The following PDE10A variants were observed in gnomAD, a reference collection of about 807,000 sequenced individuals.
PDE10A encodes cAMP and cAMP-inhibited cGMP 3',5'-cyclic phosphodiesterase 10A.
PDE10A carries 39 observed loss-of-function variants against 97.7 expected under a neutral mutation model. That is an observed-to-expected ratio of 0.40 (90% CI 0.31 to 0.52). PDE10A has a LOEUF of 0.52. PDE10A is among the 20% of genes least tolerant of loss of function. The probability of loss-of-function intolerance (pLI) is 0.56; values close to 1 mark genes in which losing one functional copy is unlikely to be tolerated. For synonymous variants in PDE10A, 371 were observed against 376.8 expected (o/e 0.98, Z 0.18); for missense variants, 731 against 1,047.8 (o/e 0.70, Z 4.17).
chr6:165,482,414 A>G (rs1346447798), intron 2 of PDE10A, 71 bp from the exon 3 acceptor site: 1 of 1,147,120 alleles, frequency 8.7e-7, no homozygotes, highest in Non-Finnish European at 1.3e-6. Context: ...AAAACATGTC[A>G]TTTGCTTTCA....
chr6:165,761,838 TG>T (rs1340387517), intron 1 of PDE10A, among the ~76,000 whole-genome samples: 1 of 152,206 alleles, frequency 6.6e-6, no homozygotes, highest in Non-Finnish European at 1.5e-5. Context: ...TATGTACAGC[TG>T]GAACTACCTT....
rs1172574314 is a variant in PDE10A at position 165,331,387 on chromosome 6, A to G, written c.*1638T>C. Reference sequence around the variant, plus strand: ...CTGAACACATAGTGTTAATTTTAAAATAAGAACAATGTTTATGTAGAGCCA... The same window carrying G: ...CTGAACACATAGTGTTAATTTTAAAGTAAGAACAATGTTTATGTAGAGCCA... On this transcript the variant is annotated 3_prime_UTR_variant, in exon 22 of 22. Transcript: ENST00000539869. The G allele has an allele frequency of 1.3e-5, 2 of 152,236 alleles. No homozygotes were observed. The highest frequency in any genetic ancestry group is 2.9e-5 in the Non-Finnish European group (2 of 68,034). The allele number at this position is 152,236 out of a possible 1,614,324, so 9.4% of individuals were successfully genotyped here. A position where few individuals can be genotyped will look rare whatever the true frequency, so the allele number is the denominator to read the frequency against.
At chr6:165,939,359 A>T (rs1783438414) in intron 1 of PDE10A, 1 of 152,200 alleles carries the variant, frequency 6.6e-6, no homozygotes, top group African/African-American at 2.4e-5. Context: ...GGAATTCCAC[A>T]TTTTTACATT....
chr6:165,343,728 T>A (rs1323859152), intron 18 of PDE10A, among the ~76,000 whole-genome samples: 2 of 152,194 alleles, frequency 1.3e-5, no homozygotes, highest in Non-Finnish European at 2.9e-5. Flanking sequence ...GTGCATCATA[T>A]GTTCCTGTTG....
intron 1 of PDE10A, among the ~76,000 whole-genome samples, chr6:165,724,414 C>A (rs770428510): frequency 2.0e-4 from 30 of 152,156 alleles, no homozygotes; most frequent in Non-Finnish European, 3.5e-4. Flanking sequence ...ATTATCGCTT[C>A]TATTTTCATC....
intron 3 of PDE10A, among the ~76,000 whole-genome samples, chr6:165,476,600 T>C (rs1282853132): frequency 6.6e-6 from 1 of 152,154 alleles, no homozygotes; most frequent in Non-Finnish European, 1.5e-5. Context: ...AGTGGCATAA[T>C]ACCCTGAACT....
At chr6:165,536,547 A>G (rs1374848237) in intron 2 of PDE10A, among the ~76,000 whole-genome samples, 5 of 151,896 alleles carry the variant, frequency 3.3e-5, no homozygotes, top group Non-Finnish European at 7.4e-5. Context: ...TAACTATTCA[A>G]CTGACAAAAA....
At chr6:165,962,021 T>C (rs1171180951) in intron 1 of PDE10A, among the ~76,000 whole-genome samples, 1 of 152,228 alleles carries the variant, frequency 6.6e-6, no homozygotes, top group Non-Finnish European at 1.5e-5. Context: ...AGGTCTAGTA[T>C]TATTCCCATG....
intron 1 of PDE10A, among the ~76,000 whole-genome samples, chr6:165,882,976 C>T (rs144491194): frequency 0.022 from 3,282 of 152,348 alleles, 110 homozygotes; most frequent in African/African-American, 0.073. Context: ...TGGCTCATGC[C>T]TGTAATCCCA....
At chr6:165,687,715 G>C (rs753562828) in intron 1 of PDE10A, among the ~76,000 whole-genome samples, 5 of 152,172 alleles carry the variant, frequency 3.3e-5, no homozygotes, top group African/African-American at 9.7e-5. Context: ...ACTGCTACTG[G>C]CTGCACATCC....
chr6:165,549,631 T>G (rs1187630899), intron 1 of PDE10A, among the ~76,000 whole-genome samples: 2 of 152,172 alleles, frequency 1.3e-5, no homozygotes. Flanking sequence ...GCTGCATTAT[T>G]ATGTTTTAAA....
chr6:165,767,552 T>C (rs1777888286), intron 1 of PDE10A, among the ~76,000 whole-genome samples: 1 of 152,234 alleles, frequency 6.6e-6, no homozygotes, highest in African/African-American at 2.4e-5. Flanking sequence ...TGTGGACCTC[T>C]TTGACTGGCT....
chr6:165,667,809 G>A (rs996911192), upstream of PDE10A, among the ~76,000 whole-genome samples: 11 of 152,082 alleles, frequency 7.2e-5, no homozygotes, highest in African/African-American at 2.7e-4. Flanking sequence ...GTGTTAAAAA[G>A]TATTGCTGAG....
At chr6:165,444,530 C>T (rs1790698952) in intron 5 of PDE10A, among the ~76,000 whole-genome samples, 1 of 151,866 alleles carries the variant, frequency 6.6e-6, no homozygotes, top group Admixed American at 6.6e-5. Context: ...TTCAATGTAC[C>T]AGAATAAAAG....
intron 1 of PDE10A, among the ~76,000 whole-genome samples, chr6:165,793,305 A>G (rs1778706701): frequency 6.6e-6 from 1 of 152,154 alleles, no homozygotes; most frequent in South Asian, 2.1e-4. Context: ...CCTTATAAGA[A>G]AAGAAATAAT....
intron 1 of PDE10A, among the ~76,000 whole-genome samples, chr6:165,821,243 G>C (rs1325484034): frequency 1.3e-5 from 2 of 152,142 alleles, no homozygotes; most frequent in Non-Finnish European, 2.9e-5. Flanking sequence ...TGATAGTGCT[G>C]AAAGAGTGTA....
At chr6:165,371,614 A>G (rs1476645703) in intron 18 of PDE10A, among the ~76,000 whole-genome samples, 1 of 152,236 alleles carries the variant, frequency 6.6e-6, no homozygotes, top group Admixed American at 6.5e-5. Context: ...AGAGTCCAGG[A>G]CCAGATGGAT....
chr6:165,880,799 A>G (rs1376396872), intron 1 of PDE10A, among the ~76,000 whole-genome samples: 1 of 152,226 alleles, frequency 6.6e-6, no homozygotes, highest in African/African-American at 2.4e-5. Context: ...TAAGTTTGGC[A>G]AAATGCTACA....
chr6:165,413,441 G>T, intron 13 of PDE10A, 60 bp downstream of exon 13: 26 of 1,205,946 alleles, frequency 2.2e-5, no homozygotes, highest in Non-Finnish European at 2.7e-5. Flanking sequence ...GCTGCTTTAT[G>T]AAAAAGATTC....
Sources: allele counts gnomAD v4.1 joint callset (sites outside exome capture counted in the v4.1 genomes callset), GRCh38; gene constraint gnomAD v4.1.1; transcripts MANE v1.5; gene names NCBI Gene and HGNC (gene_info 2026-07-23, HGNC 2026-07-21).